The following PTPRN2 variants were observed in gnomAD, a reference collection of about 807,000 sequenced individuals.
The protein encoded by PTPRN2 is receptor-type tyrosine-protein phosphatase N2.
In PTPRN2, 74 loss-of-function variants were observed where a neutral mutation model predicts 118.8. That is an observed-to-expected ratio of 0.62 (90% CI 0.52 to 0.76). PTPRN2 has a LOEUF of 0.76. PTPRN2 is among the 30% of genes least tolerant of loss of function. The probability of loss-of-function intolerance (pLI) is 0.00; values close to 1 mark genes in which losing one functional copy is unlikely to be tolerated. For missense variants in PTPRN2, 1,481 were observed against 1,394.4 expected (o/e 1.06, Z -0.99); for synonymous variants, 641 against 608.0 (o/e 1.05, Z -0.80).
chr7:157,656,026 C>T (rs559502905), intron 14 of PTPRN2, among the ~76,000 whole-genome samples: 111 of 151,492 alleles, frequency 7.3e-4, no homozygotes, highest in African/African-American at 2.4e-3. Flanking sequence ...AGGCCCAAAA[C>T]GGCAGCGCAC....
At position 158,026,186 on chromosome 7, in the gene PTPRN2, A is replaced by G. The variant is rs114803180; in HGVS notation, c.1723+55112T>C. On this transcript the variant is annotated intron_variant, in intron 11 of 22. Transcript: ENST00000389418. ...TGTATTATTTAGGCTTTGTGGTTTC[A>G]TCCGGAGTAAGTGCCTATTTAGGAA... is the stretch of plus-strand genomic sequence containing the variant. Among the ~76,000 whole-genome samples, 839 of 152,360 alleles carry G rather than the reference A, an allele frequency of 5.5e-3. 10 individuals are homozygous for G. The highest frequency in any genetic ancestry group is 0.019 in the African/African-American group (796 of 41,582).
At chr7:157,649,422 T>A (rs1454286645) in intron 14 of PTPRN2, among the ~76,000 whole-genome samples, 503 of 62,426 alleles carry the variant, frequency 8.1e-3, no homozygotes, top group African/African-American at 0.011. Flanking sequence ...GGTCAGACCC[T>A]TTCACTGTGC....
chr7:158,035,721 A>G (rs143280153), intron 11 of PTPRN2, among the ~76,000 whole-genome samples: 1 of 152,342 alleles, frequency 6.6e-6, no homozygotes, highest in East Asian at 1.9e-4. Context: ...GTCAAATCCT[A>G]ATATAATAAA....
intron 11 of PTPRN2, among the ~76,000 whole-genome samples, chr7:157,902,572 C>T (rs1178174036): frequency 6.7e-6 from 1 of 149,244 alleles, no homozygotes; most frequent in Non-Finnish European, 1.5e-5. Context: ...CTGGAGAGTA[C>T]GTGGAAATCA....
intron 11 of PTPRN2, among the ~76,000 whole-genome samples, chr7:158,032,913 A>C (rs1807794954): frequency 6.6e-6 from 1 of 152,224 alleles, no homozygotes; most frequent in Admixed American, 6.5e-5. Context: ...GCTTATTGTC[A>C]AAAGGCATTA....
intron 11 of PTPRN2, among the ~76,000 whole-genome samples, chr7:158,011,787 C>T (rs1193983832): frequency 6.6e-6 from 1 of 152,072 alleles, no homozygotes; most frequent in Non-Finnish European, 1.5e-5. Flanking sequence ...AAAGTGAGAG[C>T]AGATATATGC....
At chr7:157,761,241 A>G (rs10276029) in intron 12 of PTPRN2, among the ~76,000 whole-genome samples, 2,189 of 152,192 alleles carry the variant, frequency 0.014, 63 homozygotes, top group African/African-American at 0.049. Flanking sequence ...AGAATTGGAA[A>G]AAAACTACTT....
chr7:158,137,288 A>C (rs1818912784), intron 7 of PTPRN2, among the ~76,000 whole-genome samples: 1 of 152,102 alleles, frequency 6.6e-6, no homozygotes, highest in Admixed American at 6.5e-5. Context: ...GTGGTAGTGC[A>C]CACCTGTAAT....
At position 157,953,644 on chromosome 7, in the gene PTPRN2, C is replaced by T. The variant is rs1278553895; in HGVS notation, c.1724-54907G>A. ...TGGACACTCTCTGGACAGGAGACAC[C>T]TCACCCCTCACAGACATCTCATTTT... On this transcript the variant is annotated intron_variant, in intron 11 of 22. Coordinates refer to ENST00000389418, the MANE Select transcript of PTPRN2 (RefSeq NM_002847.5). The surrounding 1 kb of genome is among the most constrained non-coding windows in gnomAD (Gnocchi z 4.6). Among the ~76,000 whole-genome samples the T allele has an allele frequency of 6.6e-6, 1 of 152,048 alleles. No individual in the cohort carries two copies. The highest frequency in any genetic ancestry group is 1.5e-5 in the Non-Finnish European group (1 of 68,018).
At chr7:158,461,478 A>T (rs767580168) in intron 2 of PTPRN2, among the ~76,000 whole-genome samples, 4 of 148,672 alleles carry the variant, frequency 2.7e-5, no homozygotes, top group Non-Finnish European at 5.9e-5. Flanking sequence ...CCTGGGCAAC[A>T]GAGCGAGACT....
At chr7:158,336,387 G>A (rs1256021524) in intron 2 of PTPRN2, among the ~76,000 whole-genome samples, 9 of 130,150 alleles carry the variant, frequency 6.9e-5, no homozygotes, top group South Asian at 2.7e-4. Flanking sequence ...ACATGCAGAC[G>A]TCACTCACAC....
chr7:158,587,458 TG>T, intron 1 of PTPRN2, 99 bp downstream of exon 1: 1 of 331,478 alleles, frequency 3.0e-6, no homozygotes, highest in Non-Finnish European at 3.4e-6. Flanking sequence ...CCCCTCAGGG[TG>T]GCGCCTCTCC....
rs1266396645 is a variant in PTPRN2 at position 158,270,730 on chromosome 7, CCTTCTCTACCTGAGCCGT to C, written c.277+46071_277+46088del. ...CTGGGCTGCCCCTCTCCCTGGGGTG[CCTTCTCTACCTGAGCCGT>C]CTTCTCCACCTGGACCACCCCGTCC... is the stretch of plus-strand genomic sequence containing the variant. On this transcript the variant is annotated intron_variant, in intron 3 of 22. Coordinates refer to ENST00000389418, the MANE Select transcript of PTPRN2 (RefSeq NM_002847.5). Among the ~76,000 whole-genome samples the C allele has an allele frequency of 6.2e-4, 93 of 151,104 alleles. 1 individual carries two copies. Among genetic ancestry groups the C allele is most frequent in the African/African-American group, 2.1e-3 (85 of 40,682 alleles).
chr7:157,725,759 C>T (rs1198016411), intron 12 of PTPRN2, among the ~76,000 whole-genome samples: 16 of 91,214 alleles, frequency 1.8e-4, no homozygotes, highest in East Asian at 5.1e-4. Context: ...ACTGGATATC[C>T]ACACGCAGAG....
intron 2 of PTPRN2, among the ~76,000 whole-genome samples, chr7:158,443,076 T>A (rs1458080598): frequency 6.6e-6 from 1 of 151,822 alleles, no homozygotes; most frequent in Non-Finnish European, 1.5e-5. Context: ...AAAAACACCT[T>A]TTTTGTTCCC....
At chr7:157,655,305 G>A (rs1332882773) in intron 14 of PTPRN2, among the ~76,000 whole-genome samples, 2 of 152,216 alleles carry the variant, frequency 1.3e-5, no homozygotes, top group African/African-American at 2.4e-5. Flanking sequence ...CTAGAACTGC[G>A]TGTTTCCCAC....
intron 2 of PTPRN2, among the ~76,000 whole-genome samples, chr7:158,323,196 C>T (rs372435219): frequency 5.5e-4 from 84 of 152,352 alleles, no homozygotes; most frequent in Middle Eastern, 3.4e-3. Flanking sequence ...AGAATTCTGC[C>T]TGGCCTGGAA....
At chr7:158,262,836 CTA>C (rs1366721958) in intron 3 of PTPRN2, among the ~76,000 whole-genome samples, 1 of 148,050 alleles carries the variant, frequency 6.8e-6, no homozygotes, top group Middle Eastern at 3.6e-3. Flanking sequence ...CATTCACACA[CTA>C]CACACACATA....
intron 6 of PTPRN2, among the ~76,000 whole-genome samples, chr7:158,161,251 C>T (rs181069563): frequency 1.1e-4 from 17 of 152,216 alleles, no homozygotes; most frequent in Non-Finnish European, 1.9e-4. Context: ...GGCGAGTGAC[C>T]CATAACAGCC....
Sources: allele counts gnomAD v4.1 joint callset (sites outside exome capture counted in the v4.1 genomes callset), GRCh38; gene constraint gnomAD v4.1.1; non-coding constraint Gnocchi (gnomAD v3.1); transcripts MANE v1.5; gene names NCBI Gene and HGNC (gene_info 2026-07-23, HGNC 2026-07-21).